Variants in ADGRB3 observed in about 807,000 individuals in gnomAD.
ADGRB3 encodes brain-specific angiogenesis inhibitor 3.
In ADGRB3, 37 loss-of-function variants were observed where a neutral mutation model predicts 193.4. The ratio of observed to expected loss-of-function variants is 0.19; its 90% CI spans 0.15 to 0.25. The LOEUF is 0.25. Among genes scored for constraint, ADGRB3 ranks in the 10% least tolerant of loss-of-function variants. The probability of loss-of-function intolerance (pLI) is 1.00; values close to 1 mark genes in which losing one functional copy is unlikely to be tolerated. For synonymous variants in ADGRB3, 690 were observed against 644.2 expected (o/e 1.07, Z -1.08); for missense variants, 1,637 against 1,852.9 (o/e 0.88, Z 2.14).
intron 26 of ADGRB3, among the ~76,000 whole-genome samples, chr6:69,348,317 C>T (rs1244501176): frequency 1.3e-5 from 2 of 152,000 alleles, no homozygotes; most frequent in Non-Finnish European, 2.9e-5. Context: ...CAGCTGTTCC[C>T]TACTCTGGGT....
intron 17 of ADGRB3, among the ~76,000 whole-genome samples, chr6:69,092,997 G>A (rs1772759930): frequency 6.6e-6 from 1 of 150,536 alleles, no homozygotes; most frequent in South Asian, 2.1e-4. Flanking sequence ...GAGGGAGTAG[G>A]AAGCCGACAT....
chr6:69,388,045 T>C (rs1243150391), intron 31 of ADGRB3, among the ~76,000 whole-genome samples: 1 of 152,132 alleles, frequency 6.6e-6, no homozygotes, highest in Non-Finnish European at 1.5e-5. Flanking sequence ...TCAAACTTTA[T>C]AGAATTTATT....
intron 17 of ADGRB3, among the ~76,000 whole-genome samples, chr6:69,093,843 A>T (rs1327631314): frequency 6.6e-6 from 1 of 152,124 alleles, no homozygotes; most frequent in Non-Finnish European, 1.5e-5. Context: ...AGAACTAGAG[A>T]TGTAAGAATC....
chr6:69,259,882 A>C (rs1173349099), intron 20 of ADGRB3, among the ~76,000 whole-genome samples: 1 of 152,136 alleles, frequency 6.6e-6, no homozygotes, highest in East Asian at 1.9e-4. Flanking sequence ...TTTAAGCTGT[A>C]AGCTTTCCTT....
At chr6:69,387,625 C>T (rs1365575423) in intron 31 of ADGRB3, among the ~76,000 whole-genome samples, 1 of 151,958 alleles carries the variant, frequency 6.6e-6, no homozygotes, top group East Asian at 1.9e-4. Context: ...GTCTCACACT[C>T]CTGGGCTTAA....
At position 68,850,981 on chromosome 6, in the gene ADGRB3, C is replaced by T. The variant is rs1768386832; in HGVS notation, c.758-79578C>T. ...CTCATTTTTGAAGAATTTACATTCTCAATGTGTTATTTAATAATATGAAAT... is the reference window on the plus strand; with the variant it reads ...CTCATTTTTGAAGAATTTACATTCTTAATGTGTTATTTAATAATATGAAAT... On this transcript the variant is annotated intron_variant, in intron 3 of 31. Coordinates refer to ENST00000370598, the MANE Select transcript of ADGRB3 (RefSeq NM_001704.3). Among the ~76,000 whole-genome samples the T allele has an allele frequency of 4.6e-5, 7 of 151,904 alleles. No homozygotes were observed. In the South Asian group the frequency reaches 1.2e-3, roughly 27 times the overall value.
intron 11 of ADGRB3, among the ~76,000 whole-genome samples, chr6:69,005,227 T>A (rs978505355): frequency 6.6e-6 from 1 of 151,696 alleles, no homozygotes; most frequent in African/African-American, 2.4e-5. Context: ...AATACTGAGC[T>A]CATGCCCCAA....
intron 16 of ADGRB3, among the ~76,000 whole-genome samples, chr6:69,073,597 GAA>G (rs1772142673): frequency 6.6e-6 from 1 of 152,154 alleles, no homozygotes; most frequent in Admixed American, 6.6e-5. Context: ...CCCCAGGAGA[GAA>G]GGGGCCAGGC....
At chr6:68,755,455 A>G (rs1454420364) in intron 3 of ADGRB3, among the ~76,000 whole-genome samples, 1 of 152,162 alleles carries the variant, frequency 6.6e-6, no homozygotes, top group Admixed American at 6.5e-5. Flanking sequence ...CAGTGCTATG[A>G]GCGTGCTCAC....
intron 10 of ADGRB3, among the ~76,000 whole-genome samples, chr6:68,980,745 A>G (rs1476381964): frequency 2.0e-5 from 3 of 151,606 alleles, no homozygotes; most frequent in South Asian, 4.1e-4. Context: ...GTATTCACCA[A>G]TTAGGTGGGA....
At chr6:68,662,503 G>A (rs1468381842) in intron 3 of ADGRB3, among the ~76,000 whole-genome samples, 3 of 151,476 alleles carry the variant, frequency 2.0e-5, no homozygotes, top group Non-Finnish European at 4.4e-5. Context: ...TAAAGCTGTG[G>A]TCACAGGTCA....
chr6:69,043,235 G>A (rs1352143464), intron 13 of ADGRB3, among the ~76,000 whole-genome samples: 2 of 125,548 alleles, frequency 1.6e-5, no homozygotes, highest in Non-Finnish European at 1.7e-5. Flanking sequence ...AAGAAGGAAG[G>A]AGAAAGAAAG....
rs1190855504 is a variant in ADGRB3, at chr6:68,810,479, A to G, written c.758-120080A>G. 3.9e-5 allele frequency among the ~76,000 whole-genome samples: 6 copies of G among 152,206 alleles called. No homozygotes were observed. In the East Asian group the frequency reaches 7.7e-4, roughly 20 times the overall value. ...AGGCTGAGCGAACAGATGAAATAGT[A>G]GAAAACCACTGTGGTGAAACTTAGG... is the stretch of plus-strand genomic sequence containing the variant. On this transcript the variant is annotated intron_variant, in intron 3 of 31. Transcript: ENST00000370598.
intron 3 of ADGRB3, among the ~76,000 whole-genome samples, chr6:68,902,055 C>G (rs1044591591): frequency 6.6e-6 from 1 of 151,996 alleles, no homozygotes; most frequent in African/African-American, 2.4e-5. Flanking sequence ...ATCACTCACT[C>G]CAAACCTTTT....
chr6:69,029,264 A>T (rs1303086983), intron 13 of ADGRB3, among the ~76,000 whole-genome samples: 1 of 152,182 alleles, frequency 6.6e-6, no homozygotes, highest in African/African-American at 2.4e-5. Context: ...CTTCATATGT[A>T]TCCACTTTAT....
intron 13 of ADGRB3, among the ~76,000 whole-genome samples, chr6:69,030,820 G>T (rs1770621930): frequency 6.6e-6 from 1 of 151,964 alleles, no homozygotes; most frequent in East Asian, 1.9e-4. Flanking sequence ...TTGGGTTTGA[G>T]TTTTCTTTTC....
intron 17 of ADGRB3, among the ~76,000 whole-genome samples, chr6:69,149,497 C>A (rs1285704207): frequency 6.6e-6 from 1 of 152,100 alleles, no homozygotes; most frequent in Non-Finnish European, 1.5e-5. Flanking sequence ...TTTGAATGAT[C>A]TGACTGAAAG....
chr6:69,299,920 C>T (rs1176959598), intron 20 of ADGRB3, among the ~76,000 whole-genome samples: 5 of 151,742 alleles, frequency 3.3e-5, no homozygotes, highest in East Asian at 3.9e-4. Context: ...TATATGAAGA[C>T]TATCATTGGT....
intron 28 of ADGRB3, among the ~76,000 whole-genome samples, chr6:69,357,234 A>G (rs930900108): frequency 3.3e-5 from 5 of 152,054 alleles, no homozygotes; most frequent in South Asian, 2.1e-4. Flanking sequence ...AATGATTTGC[A>G]TATGATTTCT....
Sources: allele counts gnomAD v4.1 joint callset (sites outside exome capture counted in the v4.1 genomes callset), GRCh38; gene constraint gnomAD v4.1.1; transcripts MANE v1.5; gene names NCBI Gene and HGNC (gene_info 2026-07-23, HGNC 2026-07-21).